The following SEMA3A variants were observed in gnomAD, a reference collection of about 807,000 sequenced individuals.
SEMA3A encodes the protein semaphorin 3A, also known as semaphorin-3A.
In SEMA3A, 29 loss-of-function variants were observed where a neutral mutation model predicts 97.9. The ratio of observed to expected loss-of-function variants is 0.30; its 90% CI spans 0.22 to 0.40. The LOEUF (loss-of-function observed/expected upper bound fraction) is 0.40, where lower values mean the gene tolerates loss of function less well. SEMA3A is among the 10% of genes least tolerant of loss of function. The pLI is 1.00. For missense variants in SEMA3A, 763 were observed against 951.3 expected (o/e 0.80, Z 2.60); for synonymous variants, 321 against 323.7 (o/e 0.99, Z 0.09).
intron 15 of SEMA3A, among the ~76,000 whole-genome samples, chr7:83,970,483 A>G (rs2116283158): frequency 6.6e-6 from 1 of 152,240 alleles, no homozygotes. Context: ...TAACCCCATA[A>G]ATGTCTCGCA....
chr7:84,045,801 G>A (rs184351385), intron 6 of SEMA3A, among the ~76,000 whole-genome samples: 3 of 151,846 alleles, frequency 2.0e-5, no homozygotes, highest in Admixed American at 2.0e-4. Context: ...TGGGAGAGGG[G>A]TTTTAAGATG....
intron 6 of SEMA3A, among the ~76,000 whole-genome samples, chr7:84,015,820 C>G (rs562582116): frequency 2.4e-4 from 36 of 152,150 alleles, no homozygotes; most frequent in Non-Finnish European, 4.9e-4. Context: ...CAAGGCCACA[C>G]TTTACTATCC....
chr7:84,416,207 G>A (rs1017988393), intron 1 of SEMA3A, among the ~76,000 whole-genome samples: 2 of 152,058 alleles, frequency 1.3e-5, no homozygotes, highest in South Asian at 4.1e-4. Context: ...AATCATGGGA[G>A]CCAGTCTTTC....
intron 3 of SEMA3A, among the ~76,000 whole-genome samples, chr7:84,270,700 A>G (rs1346677354): frequency 1.3e-5 from 2 of 149,380 alleles, no homozygotes; most frequent in Non-Finnish European, 3.0e-5. Context: ...TGCATCTTTT[A>G]TTATTTGCTT....
Position 83,963,089 on chromosome 7 carries a change from G to A in SEMA3A, c.1860+116C>T, listed in dbSNP as rs1584481863. Reference sequence around the variant, plus strand: ...TGTTCAATGAATGAGCGATTGATTGGTTCAGAAGAGGATAAGCATTCTCAG... The same window carrying A: ...TGTTCAATGAATGAGCGATTGATTGATTCAGAAGAGGATAAGCATTCTCAG... On this transcript the variant is annotated intron_variant, in intron 16 of 16. Coordinates refer to ENST00000265362, the MANE Select transcript of SEMA3A (RefSeq NM_006080.3). 1.4e-5 allele frequency: 16 copies of A among 1,116,160 alleles called. No homozygotes were observed. The East Asian group carries it at 3.8e-4, about 26-fold the overall frequency. 69.1% of individuals were successfully genotyped at this position (1,116,160 alleles called of 1,614,324 possible).
intron 1 of SEMA3A, among the ~76,000 whole-genome samples, chr7:84,138,652 TG>T (rs1796214033): frequency 6.6e-6 from 1 of 152,156 alleles, no homozygotes; most frequent in Admixed American, 6.5e-5. Context: ...TCCTGGCATA[TG>T]TGTTAGCAGC....
chr7:84,319,267 A>C (rs1426755414), intron 2 of SEMA3A, among the ~76,000 whole-genome samples: 1 of 152,156 alleles, frequency 6.6e-6, no homozygotes, highest in Admixed American at 6.5e-5. Context: ...AGGAATATTT[A>C]GAGGGAAAAG....
intron 3 of SEMA3A, among the ~76,000 whole-genome samples, chr7:84,242,349 C>T (rs1799383441): frequency 6.6e-6 from 1 of 152,106 alleles, no homozygotes; most frequent in Admixed American, 6.6e-5. Flanking sequence ...CTTCACATCC[C>T]TTGTGAATTA....
At chr7:84,225,867 A>C (rs1798978237) in intron 3 of SEMA3A, among the ~76,000 whole-genome samples, 1 of 152,150 alleles carries the variant, frequency 6.6e-6, no homozygotes, top group Admixed American at 6.6e-5. Flanking sequence ...CTACTTTACA[A>C]GCAGTTGCAT....
At chr7:84,356,865 A>G (rs575629221) in intron 2 of SEMA3A, among the ~76,000 whole-genome samples, 1 of 151,962 alleles carries the variant, frequency 6.6e-6, no homozygotes, top group Non-Finnish European at 1.5e-5. Context: ...ATGATAAAAT[A>G]ATTTAGTTTT....
intron 1 of SEMA3A, among the ~76,000 whole-genome samples, chr7:84,485,552 T>C (rs1457763336): frequency 1.3e-5 from 2 of 152,000 alleles, no homozygotes; most frequent in African/African-American, 4.8e-5. Context: ...TATATTTGCT[T>C]TTTGTAGAGG....
At chr7:84,050,559 T>G (rs1009901017) in intron 5 of SEMA3A, among the ~76,000 whole-genome samples, 6 of 152,102 alleles carry the variant, frequency 3.9e-5, no homozygotes, top group African/African-American at 9.7e-5. Flanking sequence ...TGGGGTTGTA[T>G]GTTTTTTTCT....
chr7:84,314,524 G>T (rs915975236), intron 2 of SEMA3A, among the ~76,000 whole-genome samples: 1 of 152,062 alleles, frequency 6.6e-6, no homozygotes, highest in African/African-American at 2.4e-5. Context: ...ATTGGGGTTG[G>T]TTCTTCATTT....
At chr7:83,989,164 T>C (rs911187469) in intron 12 of SEMA3A, among the ~76,000 whole-genome samples, 1 of 152,042 alleles carries the variant, frequency 6.6e-6, no homozygotes, top group African/African-American at 2.4e-5. Flanking sequence ...CAATCGAAAT[T>C]CAAAGAAAGT....
chr7:84,234,575 T>A (rs941032377), intron 3 of SEMA3A, among the ~76,000 whole-genome samples: 2 of 152,084 alleles, frequency 1.3e-5, no homozygotes, highest in Non-Finnish European at 2.9e-5. Flanking sequence ...ACATTCAAAC[T>A]GAGGAGTCTT....
intron 1 of SEMA3A, among the ~76,000 whole-genome samples, chr7:84,450,408 T>C (rs1176690631): frequency 2.0e-5 from 3 of 152,160 alleles, no homozygotes; most frequent in Non-Finnish European, 2.9e-5. Flanking sequence ...CTGGGCTGTG[T>C]CCTTATTCCT....
intron 1 of SEMA3A, among the ~76,000 whole-genome samples, chr7:84,413,585 G>A (rs1000485386): frequency 5.9e-5 from 9 of 152,110 alleles, no homozygotes; most frequent in African/African-American, 2.2e-4. Flanking sequence ...CTGTGATCAT[G>A]CCATTGCACG....
At chr7:83,967,764 A>T (rs949535068) in intron 15 of SEMA3A, among the ~76,000 whole-genome samples, 1 of 152,270 alleles carries the variant, frequency 6.6e-6, no homozygotes, top group South Asian at 2.1e-4. Context: ...CAAAACAAAC[A>T]AACAAAAAAC....
intron 6 of SEMA3A, among the ~76,000 whole-genome samples, chr7:84,039,832 GA>G (rs1352045221): frequency 6.6e-6 from 1 of 151,938 alleles, no homozygotes; most frequent in African/African-American, 2.4e-5. Flanking sequence ...ATTGCATCCA[GA>G]ATTTGTGCTA....
Sources: allele counts gnomAD v4.1 joint callset (sites outside exome capture counted in the v4.1 genomes callset), GRCh38; gene constraint gnomAD v4.1.1; transcripts MANE v1.5; gene names NCBI Gene and HGNC (gene_info 2026-07-23, HGNC 2026-07-21).